Variants in FRYL observed in about 807,000 individuals in gnomAD.
FRYL encodes the protein protein furry homolog-like.
Under a neutral mutation model 351.2 loss-of-function variants are expected in FRYL, and 150 were observed. That is an observed-to-expected ratio of 0.43 (90% CI 0.37 to 0.49). The LOEUF is 0.49. Ranked by LOEUF, FRYL falls within the 20% of genes least tolerant of loss-of-function variation. FRYL has a pLI of 0.00. For missense variants in FRYL, 3,036 were observed against 3,619.3 expected, an observed-to-expected ratio of 0.84 and a Z score of 4.13; for synonymous variants, 1,153 against 1,257.1, an observed-to-expected ratio of 0.92 and a Z score of 1.75.
At chr4:48,672,237 G>T (rs1363172449) in intron 3 of FRYL, among the ~76,000 whole-genome samples, 1 of 152,168 alleles carries the variant, frequency 6.6e-6, no homozygotes, top group African/African-American at 2.4e-5. Flanking sequence ...CCGGTTCAAG[G>T]CAAGTCACTG....
intron 3 of FRYL, among the ~76,000 whole-genome samples, chr4:48,683,544 T>A (rs772970135): frequency 9.2e-5 from 14 of 152,104 alleles, no homozygotes; most frequent in Non-Finnish European, 2.1e-4. Context: ...GCATTCAAGA[T>A]CCTTTCCATG....
chr4:48,505,485 A>G, intron 60 of FRYL, 62 bp downstream of exon 60: 1 of 868,912 alleles, frequency 1.2e-6, no homozygotes. Context: ...ATATTTGAAC[A>G]CATGCATTGT....
At chr4:48,776,038 G>A (rs1211425833) in intron 1 of FRYL, among the ~76,000 whole-genome samples, 3 of 143,114 alleles carry the variant, frequency 2.1e-5, no homozygotes, top group South Asian at 2.2e-4. Flanking sequence ...GTCCTATACA[G>A]AGGTTAAAAA....
At chr4:48,623,348 C>T (rs1293556863) in intron 4 of FRYL, among the ~76,000 whole-genome samples, 169 bp from the exon 5 acceptor site, 1 of 152,114 alleles carries the variant, frequency 6.6e-6, no homozygotes. Flanking sequence ...CCCAAGGTCA[C>T]ATGGTTAATT....
intron 50 of FRYL, 31 bp downstream of exon 50, chr4:48,531,125 G>C (rs765050102): frequency 1.4e-5 from 19 of 1,311,634 alleles, no homozygotes; most frequent in Non-Finnish European, 2.0e-5. Context: ...ATTCCTAGTA[G>C]AGTAACTTCA....
Position 48,589,734 on chromosome 4 carries a change from T to C in FRYL, c.1640+11A>G. 6.2e-7 allele frequency: 1 copy of C among 1,611,088 alleles called. No individual in the cohort carries two copies. The highest frequency in any genetic ancestry group is 1.3e-5 in the African/African-American group (1 of 74,876). On this transcript the variant is annotated intron_variant, in intron 18 of 63. Transcript: ENST00000358350. Reference sequence around the variant, plus strand: ...TGAAATAGCAATGAAGGCACATAATTTACTACATACGTAATCATGTCTTCA... The same window carrying C: ...TGAAATAGCAATGAAGGCACATAATCTACTACATACGTAATCATGTCTTCA...
chr4:48,579,945 A>G (rs1375263736), intron 22 of FRYL, among the ~76,000 whole-genome samples: 6 of 152,170 alleles, frequency 3.9e-5, no homozygotes, highest in Non-Finnish European at 8.8e-5. Context: ...TCATTATACA[A>G]TATAGACATG....
intron 53 of FRYL, among the ~76,000 whole-genome samples, chr4:48,525,940 T>C (rs1319248495): frequency 6.6e-6 from 1 of 152,116 alleles, no homozygotes; most frequent in Non-Finnish European, 1.5e-5. Flanking sequence ...TATATGTATA[T>C]GTACATGAGA....
chr4:48,710,407 GT>G, intron 2 of FRYL, 111 bp downstream of exon 2: 1 of 367,552 alleles, frequency 2.7e-6, no homozygotes, highest in Non-Finnish European at 4.8e-6. Context: ...AAAATCTGAT[GT>G]TTTTGCCACT....
At chr4:48,603,064 A>T (rs1461242408) in intron 12 of FRYL, among the ~76,000 whole-genome samples, 1 of 152,240 alleles carries the variant, frequency 6.6e-6, no homozygotes, top group Non-Finnish European at 1.5e-5. Context: ...ATGACTACCT[A>T]GAAGGAAGTC....
At chr4:48,559,643 A>AGAG (rs1412320847) in intron 33 of FRYL, among the ~76,000 whole-genome samples, 1 of 84,784 alleles carries the variant, frequency 1.2e-5, no homozygotes, top group Non-Finnish European at 2.1e-5. Context: ...GGAGAGAGGA[A>AGAG]GAGGGAGGGA....
intron 2 of FRYL, among the ~76,000 whole-genome samples, chr4:48,688,954 C>T (rs766159925): frequency 5.1e-4 from 78 of 151,982 alleles, no homozygotes; most frequent in Non-Finnish European, 1.6e-4. Context: ...TGAGCTACCG[C>T]GGCCAGCCTC....
chr4:48,664,652 T>C (rs186152379), intron 3 of FRYL, among the ~76,000 whole-genome samples: 2 of 152,286 alleles, frequency 1.3e-5, no homozygotes, highest in Admixed American at 1.3e-4. Flanking sequence ...AGCAGAGAAG[T>C]AGACAGATTA....
At position 48,544,812 on chromosome 4, in the gene FRYL, A is replaced by C. The variant is rs1730982736; in HGVS notation, c.5372T>G (p.Val1791Gly). The C allele has an allele frequency of 1.9e-6, 3 of 1,604,132 alleles. No homozygotes were observed. In the Admixed American group the frequency reaches 5.2e-5, roughly 28 times the overall value. Residue 1791 changes from valine (V) to glycine (G), a missense_variant, in exon 43 of 64, where the codon GTG (valine) becomes GGG (glycine). By Grantham distance (109) the Val-to-Gly change is moderately radical. Coordinates refer to ENST00000358350, the MANE Select transcript of FRYL (RefSeq NM_015030.2). ...AEQLTTFLKH[V>G]VSVFKQSSSE... Reference sequence around the variant, plus strand: ...GCTTGACTGCTTAAAAACAGAAACCACATGTTTCAAAAATGTAGTTAACTG... The same window carrying C: ...GCTTGACTGCTTAAAAACAGAAACCCCATGTTTCAAAAATGTAGTTAACTG...
chr4:48,745,060 T>C (rs1030370790), intron 1 of FRYL, among the ~76,000 whole-genome samples: 28 of 152,200 alleles, frequency 1.8e-4, no homozygotes, highest in African/African-American at 6.5e-4. Flanking sequence ...AAAGCTAGGC[T>C]GGAATTTGGA....
intron 1 of FRYL, among the ~76,000 whole-genome samples, chr4:48,755,460 C>T (rs781064262): frequency 1.3e-5 from 2 of 152,164 alleles, no homozygotes; most frequent in African/African-American, 2.4e-5. Context: ...TTGAGGTATG[C>T]CTCAACCAAT....
chr4:48,641,886 T>G (rs1171555635), intron 3 of FRYL, among the ~76,000 whole-genome samples: 1 of 152,214 alleles, frequency 6.6e-6, no homozygotes, highest in Non-Finnish European at 1.5e-5. Flanking sequence ...CCATTTTGAT[T>G]AACTACTTAC....
At chr4:48,659,125 T>C (rs1238046531) in intron 3 of FRYL, among the ~76,000 whole-genome samples, 1 of 151,584 alleles carries the variant, frequency 6.6e-6, no homozygotes, top group African/African-American at 2.4e-5. Flanking sequence ...CCAAGGTGGG[T>C]GGATTGCTTG....
intron 50 of FRYL, among the ~76,000 whole-genome samples, chr4:48,529,000 T>A (rs1262953450): frequency 1.3e-5 from 2 of 152,174 alleles, no homozygotes; most frequent in African/African-American, 4.8e-5. Context: ...CAACTGATCA[T>A]CCTTCTCTCC....
Sources: gnomAD v4.1 joint callset for allele counts (sites outside exome capture counted in the v4.1 genomes callset) on GRCh38, gnomAD v4.1.1 for gene constraint, MANE v1.5 for transcripts, NCBI Gene and HGNC (gene_info 2026-07-23, HGNC 2026-07-21) for gene names.